MEI1: variants seen among roughly 807,000 people sequenced by gnomAD.
The protein encoded by MEI1 is meiosis inhibitor protein 1.
MEI1 carries 103 observed loss-of-function variants against 146.2 expected under a neutral mutation model. The ratio of observed to expected loss-of-function variants is 0.70; its 90% CI spans 0.60 to 0.83. The LOEUF (loss-of-function observed/expected upper bound fraction) is 0.83. Ranked by LOEUF, MEI1 falls within the 40% of genes least tolerant of loss-of-function variation. The pLI is 0.00. For missense variants in MEI1, 1,529 were observed against 1,533.0 expected (o/e 1.00, Z 0.04); for synonymous variants, 652 against 628.2 (o/e 1.04, Z -0.57).
chr22:41,717,964 T>C, intron 5 of MEI1, 107 bp from the exon 6 acceptor site: 1 of 930,830 alleles, frequency 1.1e-6, no homozygotes, highest in Non-Finnish European at 1.6e-6. Context: ...TTGTGGGGGA[T>C]TATAGGGACT....
chr22:41,767,452 C>T, intron 19 of MEI1: 1 of 383,648 alleles, frequency 2.6e-6, no homozygotes, highest in South Asian at 1.8e-5. Flanking sequence ...GGAGGAGATA[C>T]ACACTGATGT....
intron 9 of MEI1, among the ~76,000 whole-genome samples, chr22:41,731,424 C>T (rs1302539191): frequency 6.6e-5 from 10 of 151,478 alleles, no homozygotes; most frequent in East Asian, 3.9e-4. Flanking sequence ...TCTTGGATCA[C>T]GGCAACCTCT....
chr22:41,795,559 G>C lies in MEI1; in HGVS notation c.3666+17G>C. The C allele has an allele frequency of 2.5e-6, 4 of 1,613,662 alleles. No homozygotes were observed. The highest frequency in any genetic ancestry group is 3.4e-6 in the Non-Finnish European group (4 of 1,179,792). On this transcript the variant is annotated intron_variant, in intron 29 of 30. Coordinates refer to ENST00000401548, the MANE Select transcript of MEI1 (RefSeq NM_152513.4). The surrounding 1 kb of genome is among the most constrained non-coding windows in gnomAD (Gnocchi z 4.2). ...TTCCAGCAGGTGGGTGGGAAGGGGA[G>C]GCCATGCAGCCACTGTAAAGCTAGA...
Position 41,732,198 on chromosome 22 carries a change from A to G in MEI1, c.1097-47A>G, listed in dbSNP as rs377706641. On this transcript the variant is annotated intron_variant, in intron 9 of 30. Coordinates refer to ENST00000401548, the MANE Select transcript of MEI1 (RefSeq NM_152513.4). The stretch of plus-strand genomic sequence containing the variant: ...CCTCTTCTGGGTGGGCAGTGAAGGA[A>G]CAAGAGAGCACTGATCCCTGGCCTC... 49 of 1,465,832 alleles carry G rather than the reference A, an allele frequency of 3.3e-5. 1 individual carries two copies. Among genetic ancestry groups the G allele is most frequent in the East Asian group, 3.1e-4 (13 of 41,584 alleles). The allele number at this position is 1,465,832 out of a possible 1,614,324, so 90.8% of individuals were successfully genotyped here. A position where few individuals can be genotyped will look rare whatever the true frequency, so the allele number is the denominator to read the frequency against.
chr22:41,740,950 C>T (rs1372561595), intron 11 of MEI1, among the ~76,000 whole-genome samples: 4 of 152,094 alleles, frequency 2.6e-5, no homozygotes, highest in African/African-American at 7.2e-5. Context: ...CTTGCTCTGT[C>T]ACCAGGCTGG....
intron 20 of MEI1, chr22:41,774,249 G>GT (rs2075330930): frequency 6.6e-6 from 1 of 152,282 alleles, no homozygotes. Flanking sequence ...GATCCATATG[G>GT]TGGGGTCCTC....
rs2073185737 is a variant in MEI1, at chr22:41,745,062, C to T, written c.1536C>T (p.Cys512=). 2 of 1,542,648 alleles carry T rather than the reference C, an allele frequency of 1.3e-6. No individual in the cohort carries two copies. Among genetic ancestry groups the T allele is most frequent in the Non-Finnish European group, 1.8e-6 (2 of 1,142,484 alleles). ...CTCTGGAGGGATTTAGAAGTGCCTG[C>T]AGGTGAGGGGCCCTCTGAGGTATGA... ...LSTLEGFRSA[C]RLAIEFQSEP... is the part of the protein sequence containing the mutation. The change falls in exon 13 of 31, where the codon TGC becomes TGT. Residue 512 remains cysteine (C), a splice_region_variant and synonymous_variant. Transcript: ENST00000401548.
chr22:41,763,453 G>A (rs1280955692), intron 19 of MEI1, 132 bp downstream of exon 19: 4 of 935,264 alleles, frequency 4.3e-6, no homozygotes, highest in South Asian at 3.4e-5. Flanking sequence ...TGTTAGGAGT[G>A]TGGAGAGGAG....
At position 41,718,270 on chromosome 22, in the gene MEI1, C is replaced by T; in HGVS notation, c.729C>T (p.Cys243=). Residue 243 remains cysteine (C), a synonymous_variant, in exon 6 of 31, where the codon TGC becomes TGT. Coordinates refer to ENST00000401548, the MANE Select transcript of MEI1 (RefSeq NM_152513.4). ...AGACAAAGGAGCTGCAGATTAACTGCTTGGGTAAGACATGAGGCTGGAGAA... is the reference window on the plus strand; with the variant it reads ...AGACAAAGGAGCTGCAGATTAACTGTTTGGGTAAGACATGAGGCTGGAGAA... The part of the protein sequence containing the change: ...GAQTKELQIN[C]LGLLRQLLKY... The T allele has an allele frequency of 6.2e-7, 1 of 1,613,708 alleles. No homozygotes were observed. Among genetic ancestry groups the T allele is most frequent in the Non-Finnish European group, 8.5e-7 (1 of 1,179,778 alleles).
intron 3 of MEI1, among the ~76,000 whole-genome samples, chr22:41,712,233 G>T (rs1412067941): frequency 9.7e-4 from 106 of 109,342 alleles, no homozygotes; most frequent in Admixed American, 5.8e-3. Flanking sequence ...TGTTTTTTTT[G>T]TTTGTTTGTT....
chr22:41,790,395 CT>C (rs983987474), intron 26 of MEI1, among the ~76,000 whole-genome samples: 1 of 151,950 alleles, frequency 6.6e-6, no homozygotes, highest in African/African-American at 2.4e-5. Flanking sequence ...TTAAAACTCG[CT>C]TTTTATTCAT....
intron 21 of MEI1, among the ~76,000 whole-genome samples, chr22:41,777,427 A>G (rs1439770044): frequency 6.6e-6 from 1 of 152,168 alleles, no homozygotes; most frequent in Admixed American, 6.5e-5. Context: ...AAGTGCTTGG[A>G]TTACAGGTGT....
intron 5 of MEI1, among the ~76,000 whole-genome samples, chr22:41,716,402 G>A (rs1253588481): frequency 7.9e-6 from 1 of 127,222 alleles, no homozygotes; most frequent in East Asian, 2.0e-4. Context: ...TTGAGACGGA[G>A]TCTTGCTCTT....
chr22:41,799,213 C>A, intron 30 of MEI1, 41 bp from the exon 31 acceptor site: 1 of 1,605,766 alleles, frequency 6.2e-7, no homozygotes, highest in Non-Finnish European at 8.5e-7. Flanking sequence ...CCATGGTTGG[C>A]CCCACTTCTC....
chr22:41,796,916 C>G lies in MEI1; in HGVS notation c.3779+1069C>G, dbSNP rs1174665886. The stretch of plus-strand genomic sequence containing the variant: ...GCCAAGATCACACCACTGTACTGCA[C>G]CCTGGGCGACAAAACATGACTCTGT... On this transcript the variant is annotated intron_variant, in intron 30 of 30. Transcript: ENST00000401548. Among the ~76,000 whole-genome samples, 3 of 152,134 alleles carry G rather than the reference C, an allele frequency of 2.0e-5. No individual in the cohort carries two copies. The South Asian group carries it at 6.2e-4, about 32-fold the overall frequency.
At chr22:41,780,928 A>G (rs999657765) in intron 22 of MEI1, among the ~76,000 whole-genome samples, 1 of 152,110 alleles carries the variant, frequency 6.6e-6, no homozygotes, top group Non-Finnish European at 1.5e-5. Context: ...GAGTTAGCTA[A>G]ATGAAGTGAT....
chr22:41,734,363 C>T (rs1208960253), intron 11 of MEI1, among the ~76,000 whole-genome samples: 9 of 151,978 alleles, frequency 5.9e-5, no homozygotes, highest in Middle Eastern at 3.4e-3. Context: ...GAGGCTGAGG[C>T]GGGCCAATTA....
intron 20 of MEI1, among the ~76,000 whole-genome samples, chr22:41,771,936 C>T (rs2075203344): frequency 6.6e-6 from 1 of 152,176 alleles, no homozygotes; most frequent in Admixed American, 6.5e-5. Context: ...CTAGACCAAT[C>T]TAAGTCTGTC....
intron 21 of MEI1, among the ~76,000 whole-genome samples, 173 bp from the exon 22 acceptor site, chr22:41,778,535 G>A (rs568892959): frequency 1.4e-4 from 21 of 152,232 alleles, no homozygotes; most frequent in South Asian, 6.2e-4. Context: ...TATCAGTTAC[G>A]CCTGTTCTAA....
Sources: gnomAD v4.1 joint callset for allele counts (sites outside exome capture counted in the v4.1 genomes callset) on GRCh38, gnomAD v4.1.1 for gene constraint, Gnocchi (gnomAD v3.1) non-coding constraint, MANE v1.5 for transcripts, NCBI Gene and HGNC (gene_info 2026-07-23, HGNC 2026-07-21) for gene names.